The following ITFG1 variants were observed in gnomAD, a reference collection of about 807,000 sequenced individuals.
The protein encoded by ITFG1 is T-cell immunomodulatory protein.
A neutral mutation model predicts 81.8 loss-of-function variants in ITFG1; 34 were observed. The observed-to-expected ratio is 0.42, with a 90% confidence interval of 0.32 to 0.55. The LOEUF is 0.55. Ranked by LOEUF, ITFG1 falls within the 20% of genes least tolerant of loss-of-function variation. The pLI is 0.17. For missense variants in ITFG1, 672 were observed against 755.4 expected (o/e 0.89, Z 1.29); for synonymous variants, 285 against 270.6 (o/e 1.05, Z -0.52).
At chr16:47,458,955 CA>C (rs1969486324) in intron 2 of ITFG1, 147 bp downstream of exon 2, 1 of 533,264 alleles carries the variant, frequency 1.9e-6, no homozygotes, top group Admixed American at 3.3e-5. Flanking sequence ...ACTATTTTTC[CA>C]AAAAATCACT....
chr16:47,452,241 C>A (rs551278318), intron 4 of ITFG1, among the ~76,000 whole-genome samples: 4 of 152,202 alleles, frequency 2.6e-5, no homozygotes, highest in Non-Finnish European at 4.4e-5. Context: ...TCGACCTCTA[C>A]CAAAATACGC....
chr16:47,174,423 G>A (rs1263099033), intron 14 of ITFG1, among the ~76,000 whole-genome samples: 1 of 152,204 alleles, frequency 6.6e-6, no homozygotes, highest in Non-Finnish European at 1.5e-5. Context: ...AAAAGTCACT[G>A]AAAACTTACC....
At chr16:47,228,969 G>T (rs1170585272) in intron 13 of ITFG1, among the ~76,000 whole-genome samples, 4 of 152,072 alleles carry the variant, frequency 2.6e-5, no homozygotes, top group Non-Finnish European at 5.9e-5. Flanking sequence ...TATGCTATTG[G>T]GGTGAGAGAT....
At chr16:47,303,574 C>T (rs1967111122) in intron 10 of ITFG1, among the ~76,000 whole-genome samples, 1 of 152,192 alleles carries the variant, frequency 6.6e-6, no homozygotes, top group South Asian at 2.1e-4. Flanking sequence ...CAGAAATACA[C>T]TTCCTGCTGA....
chr16:47,338,369 T>C (rs1223066240), intron 8 of ITFG1, among the ~76,000 whole-genome samples: 2 of 151,900 alleles, frequency 1.3e-5, no homozygotes, highest in Non-Finnish European at 2.9e-5. Flanking sequence ...GATCATGCCA[T>C]TGCACTCCAG....
intron 7 of ITFG1, among the ~76,000 whole-genome samples, chr16:47,374,750 TC>T (rs933058974): frequency 7.9e-5 from 12 of 152,184 alleles, no homozygotes; most frequent in Non-Finnish European, 1.6e-4. Flanking sequence ...ATGTCTTACT[TC>T]CCCTTGCCCC....
chr16:47,175,653 C>T (rs997822061), intron 14 of ITFG1, among the ~76,000 whole-genome samples: 3 of 152,190 alleles, frequency 2.0e-5, no homozygotes, highest in Admixed American at 2.0e-4. Context: ...CTCCTTGCCT[C>T]TCTATCCTAT....
intron 5 of ITFG1, among the ~76,000 whole-genome samples, chr16:47,440,395 A>G (rs1436856522): frequency 6.6e-6 from 1 of 152,252 alleles, no homozygotes; most frequent in Non-Finnish European, 1.5e-5. Flanking sequence ...TCTTTTCAGC[A>G]TCACACCACA....
At chr16:47,438,853 G>C (rs1405079583) in intron 5 of ITFG1, among the ~76,000 whole-genome samples, 1 of 152,226 alleles carries the variant, frequency 6.6e-6, no homozygotes, top group Non-Finnish European at 1.5e-5. Context: ...TTGACGAGTT[G>C]AGAGAGGAAG....
chr16:47,183,728 G>A (rs909436623), intron 14 of ITFG1, among the ~76,000 whole-genome samples: 21 of 152,292 alleles, frequency 1.4e-4, no homozygotes, highest in East Asian at 5.8e-4. Flanking sequence ...AAAGCAGAGC[G>A]CCTCTCCTCC....
At chr16:47,293,754 A>G (rs1014848963) in intron 10 of ITFG1, among the ~76,000 whole-genome samples, 1 of 152,042 alleles carries the variant, frequency 6.6e-6, no homozygotes, top group Non-Finnish European at 1.5e-5. Flanking sequence ...AATTCTGAAT[A>G]TAAGTCCTTA....
Position 47,236,303 on chromosome 16 carries a change from G to A in ITFG1, c.1374+1662C>T, listed in dbSNP as rs529505148. On this transcript the variant is annotated intron_variant, in intron 13 of 17. Coordinates refer to ENST00000320640, the MANE Select transcript of ITFG1 (RefSeq NM_030790.5). ...ATCCTGGCTAACACGGTAAAACCCC[G>A]TCTCTACTAAAAATACAAAAAATTA... Among the ~76,000 whole-genome samples the A allele has an allele frequency of 5.1e-4, 77 of 151,806 alleles. 1 individual carries two copies. Among genetic ancestry groups the A allele is most frequent in the Middle Eastern group, 6.8e-3 (2 of 294 alleles).
chr16:47,205,828 TTATCTATCTATCTATCTATCTATC>T (rs58886060), intron 14 of ITFG1, among the ~76,000 whole-genome samples: 11,527 of 143,032 alleles, frequency 0.081, 601 homozygotes, highest in Non-Finnish European at 0.12. Flanking sequence ...TGGAATTAAA[TTATCTATCTATCTATCTATCTATC>T]TATCTATCTA....
chr16:47,425,148 A>G (rs1050217983), intron 6 of ITFG1, among the ~76,000 whole-genome samples: 1 of 152,144 alleles, frequency 6.6e-6, no homozygotes, highest in Non-Finnish European at 1.5e-5. Flanking sequence ...AGCCACAGCA[A>G]TGGTGGATGC....
intron 14 of ITFG1, among the ~76,000 whole-genome samples, chr16:47,201,102 C>T (rs1269595983): frequency 1.3e-5 from 2 of 152,134 alleles, no homozygotes; most frequent in Non-Finnish European, 2.9e-5. Context: ...GTACTATATA[C>T]CTGATAATGG....
At chr16:47,424,958 T>C (rs1311246312) in intron 6 of ITFG1, among the ~76,000 whole-genome samples, 2 of 152,162 alleles carry the variant, frequency 1.3e-5, no homozygotes, top group African/African-American at 2.4e-5. Context: ...AGAGAACCAC[T>C]GCTCTCTTCA....
intron 2 of ITFG1, among the ~76,000 whole-genome samples, chr16:47,454,406 G>A (rs1969426745): frequency 6.6e-6 from 1 of 152,136 alleles, no homozygotes; most frequent in African/African-American, 2.4e-5. Flanking sequence ...GAGAAAACGT[G>A]TTTATTATGT....
At chr16:47,299,288 A>T (rs1967035634) in intron 10 of ITFG1, among the ~76,000 whole-genome samples, 1 of 152,200 alleles carries the variant, frequency 6.6e-6, no homozygotes, top group Admixed American at 6.5e-5. Context: ...CAGTGCGTGC[A>T]GGTGAGAGCC....
chr16:47,244,474 T>G (rs1252301203), intron 12 of ITFG1, among the ~76,000 whole-genome samples: 1 of 152,072 alleles, frequency 6.6e-6, no homozygotes, highest in Non-Finnish European at 1.5e-5. Context: ...TCCCTACATA[T>G]TTTGGTGACC....
Sources: allele counts gnomAD v4.1 joint callset (sites outside exome capture counted in the v4.1 genomes callset), GRCh38; gene constraint gnomAD v4.1.1; transcripts MANE v1.5; gene names NCBI Gene and HGNC (gene_info 2026-07-23, HGNC 2026-07-21).